Variants in EGFLAM observed in about 807,000 individuals in gnomAD.
EGFLAM encodes the protein EGF like, fibronectin type III and laminin G domains, also known as pikachurin.
EGFLAM carries 79 observed loss-of-function variants against 113.1 expected under a neutral mutation model. That is an observed-to-expected ratio of 0.70 (90% CI 0.58 to 0.84). The LOEUF (loss-of-function observed/expected upper bound fraction) is 0.84, where lower values mean the gene tolerates loss of function less well. Among genes scored for constraint, EGFLAM ranks in the 40% least tolerant of loss-of-function variants. EGFLAM has a pLI of 0.00. For synonymous variants in EGFLAM, 504 were observed against 487.6 expected, an observed-to-expected ratio of 1.03 and a Z score of -0.44; for missense variants, 1,265 against 1,291.6, an observed-to-expected ratio of 0.98 and a Z score of 0.32.
chr5:38,338,775 G>A lies in EGFLAM; in HGVS notation c.285G>A (p.Pro95=), dbSNP rs200341315. The A allele has an allele frequency of 2.4e-5, 39 of 1,614,018 alleles. No homozygotes were observed. The highest frequency in any genetic ancestry group is 1.6e-4 in the Middle Eastern group (1 of 6,084). The stretch of plus-strand genomic sequence containing the variant: ...GCGTGCCTCTCAGCCGGGACATCCC[G>A]ACCACGGTGAGTCTTTCCATCCTGG... ...LHSVPLSRDI[P]TTEEVIGDLK... is the part of the protein sequence containing the mutation. The change falls in exon 3 of 22, where the codon CCG becomes CCA. Residue 95 remains proline, a synonymous_variant. Coordinates refer to ENST00000322350, the MANE Select transcript of EGFLAM (RefSeq NM_152403.4).
intron 14 of EGFLAM, among the ~76,000 whole-genome samples, chr5:38,430,367 A>G (rs1245007001): frequency 2.0e-5 from 3 of 152,152 alleles, no homozygotes; most frequent in Admixed American, 2.0e-4. Flanking sequence ...ATTTCACCAG[A>G]CTCACTGAAC....
intron 16 of EGFLAM, 92 bp from the exon 17 acceptor site, chr5:38,438,183 G>T: frequency 1.5e-6 from 2 of 1,375,326 alleles, no homozygotes; most frequent in South Asian, 1.6e-5. Flanking sequence ...ATCTCCCTAT[G>T]TGTAGCTCAG....
intron 17 of EGFLAM, among the ~76,000 whole-genome samples, chr5:38,441,584 G>A (rs1223208395): frequency 7.2e-6 from 1 of 138,032 alleles, no homozygotes; most frequent in Non-Finnish European, 1.5e-5. Flanking sequence ...AATATGAATC[G>A]CTGCTTTGTA....
intron 4 of EGFLAM, among the ~76,000 whole-genome samples, 185 bp from the exon 5 acceptor site, chr5:38,352,011 A>G (rs934915626): frequency 1.3e-5 from 2 of 152,056 alleles, no homozygotes; most frequent in African/African-American, 4.8e-5. Context: ...TTATGTTTTT[A>G]TATTTGTTTG....
chr5:38,319,010 G>A (rs1738673406), intron 1 of EGFLAM, among the ~76,000 whole-genome samples: 1 of 152,152 alleles, frequency 6.6e-6, no homozygotes. Flanking sequence ...GTCCTCACTA[G>A]GCGTTCCTAT....
intron 1 of EGFLAM, among the ~76,000 whole-genome samples, chr5:38,300,976 G>A (rs917189130): frequency 4.6e-5 from 7 of 152,194 alleles, no homozygotes; most frequent in African/African-American, 1.7e-4. Flanking sequence ...CAAGTCAGAT[G>A]AGAGAGACTG....
At chr5:38,341,914 G>T (rs935591112) in intron 3 of EGFLAM, among the ~76,000 whole-genome samples, 2 of 142,752 alleles carry the variant, frequency 1.4e-5, no homozygotes, top group Non-Finnish European at 3.1e-5. Context: ...ACTCATGCAA[G>T]TTTTTTTTTT....
chr5:38,378,579 T>C (rs917701338), intron 6 of EGFLAM, among the ~76,000 whole-genome samples: 2 of 152,222 alleles, frequency 1.3e-5, no homozygotes, highest in African/African-American at 4.8e-5. Context: ...CTGTGACTTA[T>C]TAGCACTCTC....
At chr5:38,367,939 C>G (rs528262677) in intron 5 of EGFLAM, among the ~76,000 whole-genome samples, 1 of 152,210 alleles carries the variant, frequency 6.6e-6, no homozygotes, top group African/African-American at 2.4e-5. Flanking sequence ...ATGATTTAAT[C>G]TCTTGTTTGC....
At chr5:38,322,714 A>G (rs1037997431) in intron 1 of EGFLAM, among the ~76,000 whole-genome samples, 7 of 152,182 alleles carry the variant, frequency 4.6e-5, no homozygotes, top group Admixed American at 4.6e-4. Flanking sequence ...GGAATGATGG[A>G]TTACTCTCTG....
intron 1 of EGFLAM, among the ~76,000 whole-genome samples, chr5:38,270,018 G>T (rs1757729531): frequency 6.6e-6 from 1 of 152,190 alleles, no homozygotes; most frequent in South Asian, 2.1e-4. Flanking sequence ...TAGCTCTGCA[G>T]CCAGGAGGGA....
At chr5:38,316,358 A>G (rs1399687798) in intron 1 of EGFLAM, among the ~76,000 whole-genome samples, 2 of 152,026 alleles carry the variant, frequency 1.3e-5, no homozygotes, top group Non-Finnish European at 2.9e-5. Flanking sequence ...ATGAAGCTCC[A>G]TGTGTTACTC....
intron 6 of EGFLAM, among the ~76,000 whole-genome samples, chr5:38,394,068 G>A (rs150189846): frequency 2.0e-5 from 3 of 152,186 alleles, no homozygotes; most frequent in East Asian, 3.9e-4. Flanking sequence ...TCTGAAGTTA[G>A]CCATCTATCT....
chr5:38,338,278 A>G (rs936096635), intron 2 of EGFLAM, among the ~76,000 whole-genome samples: 2 of 152,088 alleles, frequency 1.3e-5, no homozygotes, highest in African/African-American at 2.4e-5. Flanking sequence ...TACCACCCCA[A>G]TCCCACCACC....
intron 6 of EGFLAM, among the ~76,000 whole-genome samples, chr5:38,398,288 G>A (rs1741014694): frequency 6.6e-6 from 1 of 152,216 alleles, no homozygotes; most frequent in Non-Finnish European, 1.5e-5. Context: ...CATTCTGTAA[G>A]TTTCTAAAAT....
chr5:38,351,109 CT>C (rs981908561), intron 4 of EGFLAM, among the ~76,000 whole-genome samples: 405 of 135,700 alleles, frequency 3.0e-3, no homozygotes, highest in East Asian at 1.0e-2. Context: ...AGCAGCACTT[CT>C]TTTTTTTTTT....
At chr5:38,339,451 A>G (rs890299159) in intron 3 of EGFLAM, among the ~76,000 whole-genome samples, 2 of 152,290 alleles carry the variant, frequency 1.3e-5, no homozygotes, top group African/African-American at 4.8e-5. Flanking sequence ...TCATAACACT[A>G]TTATAATGGT....
intron 11 of EGFLAM, 47 bp downstream of exon 11, chr5:38,412,695 TAA>T (rs755385636): frequency 7.6e-6 from 12 of 1,582,380 alleles, no homozygotes; most frequent in Non-Finnish European, 1.0e-5. Flanking sequence ...CCACCCACCA[TAA>T]GTCTCCTGAG....
At chr5:38,264,831 A>G (rs769600669) in intron 1 of EGFLAM, among the ~76,000 whole-genome samples, 13 of 152,234 alleles carry the variant, frequency 8.5e-5, no homozygotes, top group Non-Finnish European at 1.5e-4. Flanking sequence ...GGGACCTAGC[A>G]CACTCATCCC....
Sources: allele counts gnomAD v4.1 joint callset (sites outside exome capture counted in the v4.1 genomes callset), GRCh38; gene constraint gnomAD v4.1.1; transcripts MANE v1.5; gene names NCBI Gene and HGNC (gene_info 2026-07-23, HGNC 2026-07-21).